The following DMRT1 variants were observed in gnomAD, a reference collection of about 807,000 sequenced individuals.
The protein encoded by DMRT1 is doublesex- and mab-3-related transcription factor 1.
A neutral mutation model predicts 32.3 loss-of-function variants in DMRT1; 7 were observed. The observed-to-expected ratio is 0.22, with a 90% CI of 0.12 to 0.41. The LOEUF (loss-of-function observed/expected upper bound fraction) is 0.41. Ranked by LOEUF, DMRT1 falls within the 10% of genes least tolerant of loss-of-function variation. DMRT1 has a pLI of 1.00. For missense variants in DMRT1, 625 were observed against 500.5 expected (o/e 1.25, Z -2.37); for synonymous variants, 278 against 206.1 (o/e 1.35, Z -2.99).
intron 2 of DMRT1, among the ~76,000 whole-genome samples, chr9:866,418 C>T (rs1815992370): frequency 6.6e-6 from 1 of 151,278 alleles, no homozygotes; most frequent in Non-Finnish European, 1.5e-5. Context: ...TATGGGGAAG[C>T]TGAACTAGGT....
rs966488991 is a variant in DMRT1 at position 875,998 on chromosome 9, C to T, written c.539-17914C>T. Among the ~76,000 whole-genome samples, 14 of 152,100 alleles carry T rather than the reference C, an allele frequency of 9.2e-5. 1 individual carries two copies. The highest frequency in any genetic ancestry group is 7.2e-4 in the Admixed American group (11 of 15,270). ...CCTGCCTGGCTGGGAACTCGAGTTCCCGCCCCTACACTGGGGATGCTGGAG... is the reference window on the plus strand; with the variant it reads ...CCTGCCTGGCTGGGAACTCGAGTTCTCGCCCCTACACTGGGGATGCTGGAG... On this transcript the variant is annotated intron_variant, in intron 2 of 4. Transcript: ENST00000382276.
intron 4 of DMRT1, among the ~76,000 whole-genome samples, chr9:951,353 G>A (rs1389518333): frequency 1.3e-5 from 2 of 152,160 alleles, no homozygotes; most frequent in Non-Finnish European, 2.9e-5. Flanking sequence ...CTGGTAAGCT[G>A]GAAACACAGA....
At chr9:897,626 T>C (rs1265065772) in intron 3 of DMRT1, among the ~76,000 whole-genome samples, 1 of 151,944 alleles carries the variant, frequency 6.6e-6, no homozygotes, top group African/African-American at 2.4e-5. Context: ...AGATTTTGCA[T>C]TCTACTATCT....
chr9:865,300 T>C (rs2370213), intron 2 of DMRT1, among the ~76,000 whole-genome samples: 81,057 of 151,932 alleles, frequency 0.53, 22,325 homozygotes, highest in African/African-American at 0.66. Flanking sequence ...CTCAGTTTCT[T>C]ACCACCTCTC....
Position 907,829 on chromosome 9 carries a change from A to ATGTGTGTGTGTG in DMRT1, c.823-8916_823-8905dup, listed in dbSNP as rs3084903. On this transcript the variant is annotated intron_variant, in intron 3 of 4. Transcript: ENST00000382276. Reference sequence around the variant, plus strand: ...TTCCATACAGTTCTCTAAAATATATATGTGTGTGTGTGTGTGTGTGTGTGT... The same window carrying ATGTGTGTGTGTG: ...TTCCATACAGTTCTCTAAAATATATATGTGTGTGTGTGTGTGTGTGTGTGTGTGTGTGTGTGT... Among the ~76,000 whole-genome samples the ATGTGTGTGTGTG allele has an allele frequency of 1.1e-3, 169 of 149,542 alleles. 1 individual carries two copies. The highest frequency in any genetic ancestry group is 4.0e-3 in the African/African-American group (163 of 40,658).
At chr9:902,491 ATT>A (rs58603191) in intron 3 of DMRT1, among the ~76,000 whole-genome samples, 13 of 135,500 alleles carry the variant, frequency 9.6e-5, no homozygotes, top group Admixed American at 1.5e-4. Flanking sequence ...CTCCCACCAC[ATT>A]TTTTTTTTTT....
chr9:917,250 T>C (rs1005925479), intron 4 of DMRT1, among the ~76,000 whole-genome samples: 2 of 152,038 alleles, frequency 1.3e-5, no homozygotes, highest in Admixed American at 6.6e-5. Flanking sequence ...GTGAAGTGAG[T>C]TTCTGTGCAT....
chr9:868,209 G>A (rs1218558681), intron 2 of DMRT1, among the ~76,000 whole-genome samples: 2 of 152,156 alleles, frequency 1.3e-5, no homozygotes, highest in African/African-American at 4.8e-5. Flanking sequence ...AAACTCCTAA[G>A]CTCAAGCGAT....
intron 2 of DMRT1, among the ~76,000 whole-genome samples, chr9:880,724 CAAAAAAAAAA>C (rs754419367): frequency 8.1e-5 from 5 of 62,078 alleles, no homozygotes; most frequent in African/African-American, 2.1e-4. Context: ...AACTCAGTCT[CAAAAAAAAAA>C]AAAAAAAAAG....
At chr9:921,930 G>T (rs1818366911) in intron 4 of DMRT1, among the ~76,000 whole-genome samples, 2 of 152,190 alleles carry the variant, frequency 1.3e-5, no homozygotes, top group Admixed American at 1.3e-4. Flanking sequence ...GCACAGGCAG[G>T]CATGCAGGGG....
intron 1 of DMRT1, among the ~76,000 whole-genome samples, chr9:845,820 C>G (rs72697189): frequency 0.033 from 5,074 of 152,276 alleles, 136 homozygotes; most frequent in South Asian, 0.069. Context: ...CCGATATGTA[C>G]TGCCCCTTCA....
chr9:845,767 C>T (rs1838877177), intron 1 of DMRT1, among the ~76,000 whole-genome samples: 1 of 117,630 alleles, frequency 8.5e-6, no homozygotes, highest in African/African-American at 2.7e-5. Flanking sequence ...CTTTCCTAAG[C>T]AGACCCTGCC....
At chr9:842,217 G>C in intron 1 of DMRT1, 25 bp downstream of exon 1, 1 of 1,515,494 alleles carries the variant, frequency 6.6e-7, no homozygotes, top group Non-Finnish European at 8.8e-7. Flanking sequence ...GCGGGAGCCC[G>C]GGTTCAGCCT....
chr9:956,575 A>C (rs10977802), intron 4 of DMRT1, among the ~76,000 whole-genome samples: 50 of 125,740 alleles, frequency 4.0e-4, no homozygotes, highest in East Asian at 4.4e-4. Context: ...AAAAAAAAAA[A>C]AACAAAAAAC....
At chr9:945,255 A>G (rs1819204602) in intron 4 of DMRT1, among the ~76,000 whole-genome samples, 1 of 152,002 alleles carries the variant, frequency 6.6e-6, no homozygotes, top group African/African-American at 2.4e-5. Context: ...CCAGGTTCAA[A>G]CGATTCTCCT....
intron 2 of DMRT1, among the ~76,000 whole-genome samples, chr9:858,978 C>T (rs2132571710): frequency 6.6e-6 from 1 of 151,942 alleles, no homozygotes; most frequent in Non-Finnish European, 1.5e-5. Flanking sequence ...CACCATCCAT[C>T]TCCAGAACTT....
intron 2 of DMRT1, among the ~76,000 whole-genome samples, chr9:859,772 C>G (rs961560847): frequency 3.9e-5 from 6 of 152,060 alleles, no homozygotes; most frequent in Non-Finnish European, 5.9e-5. Context: ...GTAAGAAACT[C>G]TTAAAGTAGA....
intron 4 of DMRT1, among the ~76,000 whole-genome samples, chr9:959,381 C>T (rs1028601072): frequency 5.3e-5 from 8 of 152,214 alleles, no homozygotes; most frequent in African/African-American, 1.7e-4. Context: ...CACCACTTGT[C>T]AGAGGGTGTG....
chr9:905,735 TC>T (rs1817752589), intron 3 of DMRT1, among the ~76,000 whole-genome samples: 1 of 152,094 alleles, frequency 6.6e-6, no homozygotes, highest in African/African-American at 2.4e-5. Context: ...GCTGGGCACT[TC>T]CTGTCTCCTA....
Sources: gnomAD v4.1 joint callset for allele counts (sites outside exome capture counted in the v4.1 genomes callset) on GRCh38, gnomAD v4.1.1 for gene constraint, MANE v1.5 for transcripts, NCBI Gene and HGNC (gene_info 2026-07-23, HGNC 2026-07-21) for gene names.